NFIL3: variants seen among roughly 807,000 people sequenced by gnomAD.
The protein encoded by NFIL3 is nuclear factor, interleukin 3 regulated, also known as nuclear factor interleukin-3-regulated protein.
NFIL3 carries 5 observed loss-of-function variants against 10.0 expected under a neutral mutation model. That is an observed-to-expected ratio of 0.50 (90% CI 0.26 to 1.06). NFIL3 has a LOEUF of 1.06. Among genes scored for constraint, NFIL3 ranks in the 50% least tolerant of loss-of-function variants. The pLI is 0.13. For missense variants in NFIL3, 436 were observed against 547.6 expected (o/e 0.80, Z 2.03); for synonymous variants, 202 against 206.5 (o/e 0.98, Z 0.19).
At chr9:91,473,699 C>T in the NFIL3 span, among the ~76,000 whole-genome samples, 1 of 152,178 alleles carries the variant, frequency 6.6e-6, no homozygotes. Flanking sequence ...TGTTGGCTCA[C>T]CCTCCGTGGG....
At chr9:91,483,339 G>A in the NFIL3 span, among the ~76,000 whole-genome samples, 1 of 152,190 alleles carries the variant, frequency 6.6e-6, no homozygotes, top group African/African-American at 2.4e-5. Flanking sequence ...AACTAGCATA[G>A]TACTCACCCT....
At chr9:91,476,571 T>TAA in the NFIL3 span, among the ~76,000 whole-genome samples, 5 of 134,238 alleles carry the variant, frequency 3.7e-5, no homozygotes, top group South Asian at 2.4e-4. Context: ...AGAATCCGTC[T>TAA]AAAAAAAAAA....
chr9:91,481,723 A>T, the NFIL3 span, among the ~76,000 whole-genome samples: 2 of 151,680 alleles, frequency 1.3e-5, no homozygotes, highest in African/African-American at 4.9e-5. Flanking sequence ...AAACTATCAT[A>T]AAAAAAGTCA....
upstream of NFIL3, among the ~76,000 whole-genome samples, chr9:91,427,726 A>AC (rs969121122): frequency 6.7e-5 from 10 of 150,224 alleles, no homozygotes; most frequent in Admixed American, 1.3e-4. Flanking sequence ...TGCAGCCTTG[A>AC]CCCCCCCAGG....
the NFIL3 span, among the ~76,000 whole-genome samples, chr9:91,465,742 G>C: frequency 6.6e-6 from 1 of 151,988 alleles, no homozygotes; most frequent in Admixed American, 6.6e-5. Flanking sequence ...TTTATGTTAG[G>C]ATTTATGTGA....
chr9:91,438,283 A>C, the NFIL3 span, among the ~76,000 whole-genome samples: 1 of 152,120 alleles, frequency 6.6e-6, no homozygotes, highest in Non-Finnish European at 1.5e-5. Flanking sequence ...CCTTCTTACA[A>C]ATTTGTTGGC....
the NFIL3 span, among the ~76,000 whole-genome samples, chr9:91,447,599 T>A: frequency 6.6e-6 from 1 of 152,258 alleles, no homozygotes; most frequent in Non-Finnish European, 1.5e-5. Flanking sequence ...ATGTTGAGTA[T>A]CTTATCGCAT....
At chr9:91,453,459 G>A in the NFIL3 span, among the ~76,000 whole-genome samples, 1 of 151,988 alleles carries the variant, frequency 6.6e-6, no homozygotes, top group Non-Finnish European at 1.5e-5. Flanking sequence ...CTTATTAAAT[G>A]TAATGAATTA....
chr9:91,482,902 G>A, the NFIL3 span, among the ~76,000 whole-genome samples: 6 of 152,320 alleles, frequency 3.9e-5, no homozygotes, highest in South Asian at 2.1e-4. Context: ...AAAGGACTGC[G>A]TCATCACCCG....
intron 1 of NFIL3, among the ~76,000 whole-genome samples, chr9:91,414,429 A>G (rs1185450645): frequency 2.0e-5 from 3 of 152,136 alleles, no homozygotes; most frequent in African/African-American, 7.2e-5. Context: ...GGTTTAGTAG[A>G]GATGGGGAAA....
chr9:91,458,366 T>C, the NFIL3 span, among the ~76,000 whole-genome samples: 1 of 152,118 alleles, frequency 6.6e-6, no homozygotes, highest in Non-Finnish European at 1.5e-5. Flanking sequence ...TGAGCTTTGG[T>C]AGTTTATGTC....
At chr9:91,453,657 G>A in the NFIL3 span, among the ~76,000 whole-genome samples, 1 of 151,792 alleles carries the variant, frequency 6.6e-6, no homozygotes, top group African/African-American at 2.4e-5. Flanking sequence ...ATTACACTAA[G>A]GCAATCATTT....
the NFIL3 span, among the ~76,000 whole-genome samples, chr9:91,432,364 C>A: frequency 6.6e-6 from 1 of 152,180 alleles, no homozygotes; most frequent in South Asian, 2.1e-4. Flanking sequence ...TTCTTTTCCT[C>A]CTACTCTTGC....
the NFIL3 span, among the ~76,000 whole-genome samples, chr9:91,436,051 G>A: frequency 6.6e-6 from 1 of 152,200 alleles, no homozygotes; most frequent in East Asian, 1.9e-4. Flanking sequence ...AGTCAGGTTT[G>A]AAGGCTAAAA....
At chr9:91,444,873 C>T in the NFIL3 span, among the ~76,000 whole-genome samples, 18 of 152,142 alleles carry the variant, frequency 1.2e-4, no homozygotes, top group African/African-American at 4.3e-4. Flanking sequence ...AATCTCTCTT[C>T]GTTTCAAGCC....
At chr9:91,442,747 C>T in the NFIL3 span, among the ~76,000 whole-genome samples, 2 of 152,068 alleles carry the variant, frequency 1.3e-5, no homozygotes, top group African/African-American at 4.8e-5. Context: ...CATGGTGGTG[C>T]CCAGAAGCTT....
the NFIL3 span, among the ~76,000 whole-genome samples, chr9:91,482,880 G>A: frequency 6.6e-6 from 1 of 152,160 alleles, no homozygotes; most frequent in Non-Finnish European, 1.5e-5. Flanking sequence ...ATGTATATAG[G>A]TAATGGGGCA....
chr9:91,482,129 C>T, the NFIL3 span, among the ~76,000 whole-genome samples: 1 of 151,994 alleles, frequency 6.6e-6, no homozygotes, highest in Non-Finnish European at 1.5e-5. Context: ...ATGCGCATAC[C>T]CTTTGGCCCT....
chr9:91,422,033 G>T (rs1833780355), intron 1 of NFIL3, among the ~76,000 whole-genome samples: 1 of 152,098 alleles, frequency 6.6e-6, no homozygotes, highest in Non-Finnish European at 1.5e-5. Context: ...TATCTGGTCT[G>T]GGGGTAAATA....
Sources: gnomAD v4.1 joint callset for allele counts (sites outside exome capture counted in the v4.1 genomes callset) on GRCh38, gnomAD v4.1.1 for gene constraint, MANE v1.5 for transcripts, NCBI Gene and HGNC (gene_info 2026-07-23, HGNC 2026-07-21) for gene names.